The following CENPW variants were observed in gnomAD, a reference collection of about 807,000 sequenced individuals.
CENPW encodes cancer-up-regulated gene 2 protein.
CENPW carries 3 observed loss-of-function variants against 11.1 expected under a neutral mutation model. The ratio of observed to expected loss-of-function variants is 0.27; its 90% confidence interval spans 0.12 to 0.70. The LOEUF is 0.70. CENPW is among the 30% of genes least tolerant of loss of function. The pLI is 0.77. For missense variants in CENPW, 100 were observed against 105.6 expected (o/e 0.95, Z 0.23); for synonymous variants, 38 against 42.0 (o/e 0.91, Z 0.37).
the CENPW span, among the ~76,000 whole-genome samples, chr6:126,358,782 G>A: frequency 1.3e-4 from 20 of 151,988 alleles, no homozygotes; most frequent in African/African-American, 4.8e-4. Flanking sequence ...CAGTAAAATT[G>A]GGACCTCCCA....
At chr6:126,465,222 T>A in the CENPW span, among the ~76,000 whole-genome samples, 1 of 152,074 alleles carries the variant, frequency 6.6e-6, no homozygotes, top group Non-Finnish European at 1.5e-5. Flanking sequence ...TTATTAAAAA[T>A]TTTAACTAAA....
the CENPW span, among the ~76,000 whole-genome samples, chr6:126,407,209 T>A: frequency 6.6e-6 from 1 of 152,192 alleles, no homozygotes; most frequent in Non-Finnish European, 1.5e-5. Flanking sequence ...CCTTCATTAG[T>A]TTGCTGAGGA....
chr6:126,393,815 C>A, the CENPW span, among the ~76,000 whole-genome samples: 1 of 150,502 alleles, frequency 6.6e-6, no homozygotes, highest in East Asian at 1.9e-4. Context: ...TATATAAATA[C>A]ATGTGCATCA....
chr6:126,410,737 T>G, the CENPW span, among the ~76,000 whole-genome samples: 1 of 151,978 alleles, frequency 6.6e-6, no homozygotes, highest in Non-Finnish European at 1.5e-5. Flanking sequence ...AAATTCAAAT[T>G]TAGAAACTCT....
chr6:126,358,240 A>G, the CENPW span, among the ~76,000 whole-genome samples: 4 of 152,108 alleles, frequency 2.6e-5, no homozygotes, highest in African/African-American at 9.6e-5. Flanking sequence ...TTCCAGTACT[A>G]TGTTAAATAG....
the CENPW span, among the ~76,000 whole-genome samples, chr6:126,422,411 C>T: frequency 9.9e-5 from 15 of 152,048 alleles, no homozygotes; most frequent in Non-Finnish European, 1.9e-4. Context: ...GGTTTGATTT[C>T]TCCTGGGGCC....
the CENPW span, among the ~76,000 whole-genome samples, chr6:126,422,666 A>C: frequency 6.6e-6 from 1 of 151,864 alleles, no homozygotes; most frequent in East Asian, 1.9e-4. Context: ...ATTCAGCTAC[A>C]CTCTACTTCA....
the CENPW span, among the ~76,000 whole-genome samples, chr6:126,357,950 C>G: frequency 4.9e-4 from 74 of 152,178 alleles, no homozygotes; most frequent in Non-Finnish European, 7.9e-4. Flanking sequence ...TAGCTGTATT[C>G]CTAGGTATTA....
the CENPW span, among the ~76,000 whole-genome samples, chr6:126,369,111 A>AT: frequency 2.0e-3 from 300 of 148,766 alleles, no homozygotes; most frequent in Admixed American, 3.3e-3. Context: ...TGCAAATGCC[A>AT]TTTTTTTTTT....
the CENPW span, among the ~76,000 whole-genome samples, chr6:126,449,855 AG>A: frequency 6.6e-6 from 1 of 151,118 alleles, no homozygotes; most frequent in African/African-American, 2.4e-5. Context: ...GTAAACTAAA[AG>A]AAAATGACCT....
chr6:126,391,988 GT>G, the CENPW span, among the ~76,000 whole-genome samples: 3 of 151,916 alleles, frequency 2.0e-5, no homozygotes, highest in East Asian at 5.8e-4. Context: ...TTTTAGGATA[GT>G]TTTTTCTATT....
At chr6:126,361,064 A>G in the CENPW span, among the ~76,000 whole-genome samples, 1 of 152,190 alleles carries the variant, frequency 6.6e-6, no homozygotes, top group Non-Finnish European at 1.5e-5. Flanking sequence ...TAACTGTGGT[A>G]TAGTTTGAAT....
At chr6:126,395,158 C>G in the CENPW span, among the ~76,000 whole-genome samples, 77 of 152,230 alleles carry the variant, frequency 5.1e-4, no homozygotes, top group African/African-American at 1.8e-3. Flanking sequence ...AGGGAAATAA[C>G]TCTTATATTT....
chr6:126,391,705 C>T, the CENPW span, among the ~76,000 whole-genome samples: 1 of 151,888 alleles, frequency 6.6e-6, no homozygotes, highest in East Asian at 1.9e-4. Flanking sequence ...CTAGTTTTCC[C>T]ACCACCACTT....
chr6:126,352,724 A>AGTAATTGGATG (rs1780505138), downstream of CENPW, among the ~76,000 whole-genome samples: 1 of 152,170 alleles, frequency 6.6e-6, no homozygotes, highest in Admixed American at 6.6e-5. Flanking sequence ...TTTTCATCTT[A>AGTAATTGGATG]TCTGGTAGTC....
At chr6:126,447,964 T>C in the CENPW span, among the ~76,000 whole-genome samples, 6 of 151,354 alleles carry the variant, frequency 4.0e-5, no homozygotes, top group Admixed American at 2.6e-4. Context: ...ATATGTATTA[T>C]TCGCTTCCTG....
At chr6:126,383,190 A>G in the CENPW span, among the ~76,000 whole-genome samples, 1 of 152,222 alleles carries the variant, frequency 6.6e-6, no homozygotes, top group Non-Finnish European at 1.5e-5. Flanking sequence ...TCATAAGTGA[A>G]TGAGAAATAA....
chr6:126,347,225 T>G (rs1780428080), intron 2 of CENPW, among the ~76,000 whole-genome samples: 1 of 152,192 alleles, frequency 6.6e-6, no homozygotes, highest in Non-Finnish European at 1.5e-5. Flanking sequence ...CACAGTTGAC[T>G]GGGGATGATA....
chr6:126,482,168 A>G, the CENPW span, among the ~76,000 whole-genome samples: 1 of 151,972 alleles, frequency 6.6e-6, no homozygotes, highest in Non-Finnish European at 1.5e-5. Flanking sequence ...ATTTTACTGG[A>G]TATCATCATT....
Sources: allele counts gnomAD v4.1 joint callset (sites outside exome capture counted in the v4.1 genomes callset), GRCh38; gene constraint gnomAD v4.1.1; transcripts MANE v1.5; gene names NCBI Gene and HGNC (gene_info 2026-07-23, HGNC 2026-07-21).